SPATA4: variants seen among roughly 807,000 people sequenced by gnomAD.
The protein encoded by SPATA4 is spermatogenesis associated 4, also known as spermatogenesis-associated protein 4.
In SPATA4, 35 loss-of-function variants were observed where a neutral mutation model predicts 31.8. That is an observed-to-expected ratio of 1.10 (90% CI 0.84 to 1.46). SPATA4 has a LOEUF of 1.46. Ranked by LOEUF, SPATA4 falls within the 40% of genes most tolerant of loss-of-function variation. The pLI, the probability that SPATA4 is intolerant of heterozygous loss-of-function variation, is 0.00. For synonymous variants in SPATA4, 126 were observed against 132.4 expected, an observed-to-expected ratio of 0.95 and a Z score of 0.33; for missense variants, 394 against 363.1, an observed-to-expected ratio of 1.09 and a Z score of -0.69.
At chr4:176,191,843 C>G (rs764627455) in intron 4 of SPATA4, among the ~76,000 whole-genome samples, 1 of 152,114 alleles carries the variant, frequency 6.6e-6, no homozygotes, top group Non-Finnish European at 1.5e-5. Context: ...AAAATTGGTG[C>G]TTTCCTCTCT....
At position 176,195,530 on chromosome 4, in the gene SPATA4, C is replaced by T. The variant is rs763959069; in HGVS notation, c.33G>A (p.Leu11=). 6.2e-7 allele frequency: 1 copy of T among 1,614,224 alleles called. No individual in the cohort carries two copies. The highest frequency in any genetic ancestry group is 8.5e-7 in the Non-Finnish European group (1 of 1,180,052). ...TGTCTAGGGCTGCCGCAGTCTGTGT[C>T]AAATACCCTTTTTCCTGGCCGGCGG... MAAAGQEKGY[L]TQTAAALDKS... The change falls in exon 1 of 6, where the codon TTG becomes TTA. Residue 11 remains leucine, a synonymous_variant. Transcript: ENST00000280191.
At position 176,186,828 on chromosome 4, in the gene SPATA4, T is replaced by G. The variant is rs567209976; in HGVS notation, c.805+1291A>C. On this transcript the variant is annotated intron_variant, in intron 5 of 5. Coordinates refer to ENST00000280191, the MANE Select transcript of SPATA4 (RefSeq NM_144644.4). ...TATTAAAGGTTCTGAGAAATCATGGTTTTTTTTTGTTTTTTTAAAAAAAGG... is the reference window on the plus strand; with the variant it reads ...TATTAAAGGTTCTGAGAAATCATGGGTTTTTTTTGTTTTTTTAAAAAAAGG... Among the ~76,000 whole-genome samples, 91 of 87,018 alleles carry G rather than the reference T, an allele frequency of 1.0e-3. 1 individual carries two copies. Among genetic ancestry groups the G allele is most frequent in the African/African-American group, 2.4e-3 (71 of 29,198 alleles). The allele number at this position is 87,018 out of a possible 152,430, so 57.1% of individuals were successfully genotyped here.
chr4:176,190,616 C>A (rs13138827), intron 4 of SPATA4, among the ~76,000 whole-genome samples: 45,868 of 152,090 alleles, frequency 0.3, 7,098 homozygotes, highest in South Asian at 0.35. Context: ...TTGCAGGACT[C>A]AGGCCCCTGT....
chr4:176,185,101 A>G (rs1446364552), intron 5 of SPATA4, among the ~76,000 whole-genome samples: 1 of 152,188 alleles, frequency 6.6e-6, no homozygotes, highest in Non-Finnish European at 1.5e-5. Context: ...GCCACTTCCA[A>G]AAGTCATCAG....
intron 4 of SPATA4, among the ~76,000 whole-genome samples, chr4:176,191,447 C>T (rs1057498408): frequency 6.6e-6 from 1 of 152,182 alleles, no homozygotes; most frequent in Non-Finnish European, 1.5e-5. Flanking sequence ...GATAGTTACT[C>T]TTGGAAGGGA....
intron 5 of SPATA4, among the ~76,000 whole-genome samples, chr4:176,186,611 G>A (rs1004641657): frequency 6.6e-6 from 1 of 152,296 alleles, no homozygotes; most frequent in East Asian, 1.9e-4. Context: ...TATGCCTCAG[G>A]TGGTTGAAGA....
At chr4:176,188,501 G>A (rs904920575) in intron 4 of SPATA4, among the ~76,000 whole-genome samples, 1 of 152,034 alleles carries the variant, frequency 6.6e-6, no homozygotes, top group Non-Finnish European at 1.5e-5. Context: ...ATACAAAAAG[G>A]TAAACAAACA....
At chr4:176,191,793 CAAAACCTAAAA>C (rs1204624814) in intron 4 of SPATA4, among the ~76,000 whole-genome samples, 2 of 152,238 alleles carry the variant, frequency 1.3e-5, no homozygotes. Context: ...TAAGGAAGGA[CAAAACCTAAAA>C]TATCCATCTC....
intron 4 of SPATA4, among the ~76,000 whole-genome samples, chr4:176,189,771 C>A (rs1752499112): frequency 6.6e-6 from 1 of 152,152 alleles, no homozygotes; most frequent in African/African-American, 2.4e-5. Context: ...GCAGCTGAGG[C>A]AATTGGTTCT....
At chr4:176,191,096 ATT>A (rs70962456) in intron 4 of SPATA4, among the ~76,000 whole-genome samples, 2,538 of 123,156 alleles carry the variant, frequency 0.021, 48 homozygotes, top group African/African-American at 0.059. Context: ...GTATGTATAG[ATT>A]TTTTTTTTTT....
Position 176,184,806 on chromosome 4 carries a change from T to G in SPATA4, c.892A>C (p.Ile298Leu), listed in dbSNP as rs764610137. ...QHSYYSAMKP[I>L]RNMDKKP ...CAAGGTTTCTTGTCCATGTTTCTGATAGGTTTCATAGCAGAGTAATAAGAA... is the reference window on the plus strand; with the variant it reads ...CAAGGTTTCTTGTCCATGTTTCTGAGAGGTTTCATAGCAGAGTAATAAGAA... Residue 298 changes from isoleucine (I) to leucine (L), a missense_variant, in exon 6 of 6, where the codon ATC becomes CTC. Physicochemically the swap from Ile to Leu is conservative, Grantham distance 5 (BLOSUM62 2). Transcript: ENST00000280191. 1.2e-5 allele frequency: 19 copies of G among 1,593,826 alleles called. No homozygotes were observed. In the Admixed American group the frequency reaches 3.2e-4, roughly 27 times the overall value.
chr4:176,193,821 A>G (rs1034413461), intron 1 of SPATA4: 31 of 321,498 alleles, frequency 9.6e-5, no homozygotes, highest in African/African-American at 1.5e-4. Context: ...CCGCATTTCA[A>G]GAAGATCCCC....
intron 4 of SPATA4, among the ~76,000 whole-genome samples, chr4:176,190,765 C>T (rs1384985656): frequency 6.6e-6 from 1 of 152,156 alleles, no homozygotes; most frequent in Non-Finnish European, 1.5e-5. Context: ...ACTTCTCCTT[C>T]TCCTACATGT....
chr4:176,193,770 G>T, intron 1 of SPATA4, 188 bp from the exon 2 acceptor site: 1 of 511,462 alleles, frequency 2.0e-6, no homozygotes, highest in Admixed American at 4.0e-5. Flanking sequence ...AAAGGCTTTG[G>T]TGTTCTTTTG....
intron 4 of SPATA4, among the ~76,000 whole-genome samples, chr4:176,189,030 A>G (rs1752487906): frequency 6.6e-6 from 1 of 152,262 alleles, no homozygotes. Context: ...CTGGAAAAAG[A>G]GCACTGCTCA....
At chr4:176,189,791 T>A (rs1441526760) in intron 4 of SPATA4, among the ~76,000 whole-genome samples, 1 of 152,136 alleles carries the variant, frequency 6.6e-6, no homozygotes, top group Non-Finnish European at 1.5e-5. Context: ...TTCATATGGA[T>A]TGCAGATGAA....
chr4:176,193,066 CT>C lies in SPATA4; in HGVS notation c.358del (p.Arg120GlufsTer10). 3 of 1,581,830 alleles carry C rather than the reference CT, an allele frequency of 1.9e-6. No homozygotes were observed. The highest frequency in any genetic ancestry group is 2.6e-6 in the Non-Finnish European group (3 of 1,166,390). On this transcript the variant is annotated frameshift_variant, in exon 3 of 6. Coordinates refer to ENST00000280191, the MANE Select transcript of SPATA4 (RefSeq NM_144644.4). LOFTEE classifies it high-confidence loss of function. ...NWAQLEKFLA[R>X]KKFKLPKELI... The stretch of plus-strand genomic sequence containing the variant: ...TTCTTTAGGTAATTTAAATTTTTTT[CT>C]TGCCAGGAACTTTAATAGTAGAAAG...
Position 176,195,405 on chromosome 4 carries a change from C to T in SPATA4, c.158G>A (p.Arg53His), listed in dbSNP as rs1294084750. The T allele has an allele frequency of 6.2e-7, 1 of 1,614,218 alleles. No individual in the cohort carries two copies. The highest frequency in any genetic ancestry group is 1.7e-5 in the Admixed American group (1 of 60,030). The change falls in exon 1 of 6, where the codon CGT becomes CAT. Residue 53 changes from arginine to histidine, a missense_variant. By Grantham distance (29) the Arg-to-His change is conservative (BLOSUM62 0). Transcript: ENST00000280191. ...PHAPKSSRLS[R>H]SVLRWLQGLD... ...ACCCTGAAGCCAACGCAGAACGGAA[C>T]GAGACAAGCGGGAGCTCTTCGGCGC...
chr4:176,193,298 A>T (rs1008845732), intron 2 of SPATA4, among the ~76,000 whole-genome samples, 155 bp downstream of exon 2: 1 of 152,240 alleles, frequency 6.6e-6, no homozygotes, highest in African/African-American at 2.4e-5. Flanking sequence ...TGACATAAAC[A>T]GTTGGAATTT....
Sources: allele counts gnomAD v4.1 joint callset (sites outside exome capture counted in the v4.1 genomes callset), GRCh38; gene constraint gnomAD v4.1.1; transcripts MANE v1.5; gene names NCBI Gene and HGNC (gene_info 2026-07-23, HGNC 2026-07-21).